The following CLCN5 variants were observed in gnomAD, a reference collection of about 807,000 sequenced individuals.
The protein encoded by CLCN5 is Cl-/H+ antiporter 5.
In CLCN5, 17 loss-of-function variants were observed where a neutral mutation model predicts 54.0. The observed-to-expected ratio is 0.31, with a 90% CI of 0.22 to 0.47. The LOEUF is 0.47. CLCN5 is among the 20% of genes least tolerant of loss of function. The pLI is 1.00. For synonymous variants in CLCN5, 222 were observed against 233.0 expected, an observed-to-expected ratio of 0.95 and a Z score of 0.43; for missense variants, 448 against 646.7, an observed-to-expected ratio of 0.69 and a Z score of 3.33.
intron 4 of CLCN5, among the ~76,000 whole-genome samples, chrX:50,058,196 G>T (rs1172962050): frequency 1.8e-5 from 2 of 111,497 alleles, no homozygotes; most frequent in Admixed American, 9.6e-5. Context: ...CCATTTCTTT[G>T]AATGCTTATT....
intron 3 of CLCN5, among the ~76,000 whole-genome samples, chrX:49,997,397 C>A (rs187687619): frequency 9.0e-6 from 1 of 111,501 alleles, no homozygotes; most frequent in Admixed American, 9.5e-5. Flanking sequence ...TCTTGCCCCC[C>A]ACTTGTCCCT....
At chrX:49,976,782 C>T (rs782735169) in intron 3 of CLCN5, among the ~76,000 whole-genome samples, 6 of 111,314 alleles carry the variant, frequency 5.4e-5, no homozygotes, top group Non-Finnish European at 1.1e-4. Context: ...TCAAAGGTTA[C>T]GACAGCAGGA....
chrX:50,064,974 C>G (rs1209876601), intron 4 of CLCN5, among the ~76,000 whole-genome samples: 2 of 111,377 alleles, frequency 1.8e-5, no homozygotes, highest in African/African-American at 6.6e-5. Flanking sequence ...AAAGCTGAAA[C>G]TGGATCCCTT....
intron 3 of CLCN5, among the ~76,000 whole-genome samples, chrX:49,985,930 T>A (rs1320323122): frequency 8.9e-6 from 1 of 111,910 alleles, no homozygotes; most frequent in African/African-American, 3.2e-5. Context: ...ATCTTACATT[T>A]TTAACTTAGC....
intron 6 of CLCN5, among the ~76,000 whole-genome samples, chrX:50,074,248 T>G (rs1000029033): frequency 4.5e-5 from 5 of 111,539 alleles, no homozygotes; most frequent in African/African-American, 1.6e-4. Flanking sequence ...ACTGTAGAAG[T>G]TTTGGTAGTC....
chrX:50,063,777 C>T (rs1174522354), intron 4 of CLCN5, among the ~76,000 whole-genome samples: 5 of 110,509 alleles, frequency 4.5e-5, no homozygotes, highest in Non-Finnish European at 3.8e-5. Flanking sequence ...ACTGGCAAAC[C>T]GAATCCAGCA....
intron 7 of CLCN5, among the ~76,000 whole-genome samples, chrX:50,077,659 T>C (rs782762222): frequency 9.9e-6 from 1 of 100,576 alleles, no homozygotes; most frequent in East Asian, 3.2e-4. Context: ...TGTGTGTATT[T>C]CCCTTGCTTT....
intron 4 of CLCN5, among the ~76,000 whole-genome samples, chrX:50,042,896 T>TA (rs1932274527): frequency 8.9e-6 from 1 of 111,830 alleles, no homozygotes; most frequent in Admixed American, 9.5e-5. Context: ...GTGTTTAACT[T>TA]TATAAGAAAC....
chrX:50,022,687 C>G (rs1252884891), intron 3 of CLCN5, among the ~76,000 whole-genome samples: 3 of 82,807 alleles, frequency 3.6e-5, no homozygotes, highest in Admixed American at 1.3e-4. Flanking sequence ...TCTTTGTTCT[C>G]TTTGGTTTCA....
intron 3 of CLCN5, among the ~76,000 whole-genome samples, chrX:50,041,840 A>T (rs1188988609): frequency 8.9e-6 from 1 of 112,071 alleles, no homozygotes; most frequent in Non-Finnish European, 1.9e-5. Context: ...CTAAGTGCCA[A>T]CCCAAAAGGT....
chrX:50,090,522 T>C lies in CLCN5; in HGVS notation c.2143+8T>C. On this transcript the variant is annotated splice_region_variant and intron_variant, in intron 13 of 14. Transcript: ENST00000376091. ...ATCTCATTATTTCAATTGGTAAGGA[T>C]TTCAGAAAGGGGATAGTGGAATCCA... 8.3e-7 allele frequency: 1 copy of C among 1,201,717 alleles called. No homozygotes were observed. Among genetic ancestry groups the C allele is most frequent in the Non-Finnish European group, 1.1e-6 (1 of 889,941 alleles).
chrX:49,979,212 G>C (rs1471552365), intron 3 of CLCN5, among the ~76,000 whole-genome samples: 1 of 111,160 alleles, frequency 9.0e-6, no homozygotes, highest in East Asian at 2.8e-4. Context: ...TATCCTTGTT[G>C]TTTTTACCAA....
chrX:49,930,112 A>ATCT (rs1925568858), intron 3 of CLCN5, among the ~76,000 whole-genome samples: 1 of 111,708 alleles, frequency 9.0e-6, no homozygotes, highest in Non-Finnish European at 1.9e-5. Context: ...CAAAGAAGAA[A>ATCT]TGCAAATGGC....
At chrX:50,063,821 G>A in intron 4 of CLCN5, among the ~76,000 whole-genome samples, 1 of 111,167 alleles carries the variant, frequency 9.0e-6, no homozygotes, top group East Asian at 2.8e-4. Context: ...ATGATCAAGT[G>A]GGCGTCATCC....
intron 3 of CLCN5, among the ~76,000 whole-genome samples, chrX:50,026,238 T>C (rs1557184988): frequency 8.9e-6 from 1 of 112,499 alleles, no homozygotes; most frequent in Non-Finnish European, 1.9e-5. Context: ...GAGCATACTT[T>C]GCATGATTTC....
At chrX:49,997,743 A>G (rs1181896119) in intron 3 of CLCN5, among the ~76,000 whole-genome samples, 4 of 108,751 alleles carry the variant, frequency 3.7e-5, no homozygotes, top group African/African-American at 6.7e-5. Context: ...ACTGGGCTCA[A>G]ACTCCTGGCT....
intron 4 of CLCN5, among the ~76,000 whole-genome samples, chrX:50,060,659 C>G (rs1335098510): frequency 5.4e-5 from 6 of 112,096 alleles, no homozygotes; most frequent in African/African-American, 1.9e-4. Context: ...CCCACCACAG[C>G]TCAAGGAGGC....
intron 3 of CLCN5, among the ~76,000 whole-genome samples, chrX:49,938,618 C>T (rs201459049): frequency 5.3e-4 from 50 of 94,617 alleles, no homozygotes; most frequent in South Asian, 2.9e-3. Flanking sequence ...CCCTTCCTTA[C>T]ACCTTATACA....
At chrX:50,030,814 C>A (rs1199275133) in intron 3 of CLCN5, among the ~76,000 whole-genome samples, 10 of 111,985 alleles carry the variant, frequency 8.9e-5, no homozygotes, top group African/African-American at 3.2e-4. Context: ...TTGGTAGTTT[C>A]CCATGTGATA....
Sources: allele counts gnomAD v4.1 joint callset (sites outside exome capture counted in the v4.1 genomes callset), GRCh38; gene constraint gnomAD v4.1.1; transcripts MANE v1.5; gene names NCBI Gene and HGNC (gene_info 2026-07-23, HGNC 2026-07-21).